Variants in MAN2A1 observed in about 807,000 individuals in gnomAD.
MAN2A1 encodes the protein alpha-mannosidase 2.
Under a neutral mutation model 142.6 loss-of-function variants are expected in MAN2A1, and 76 were observed. The observed-to-expected ratio is 0.53, with a 90% confidence interval of 0.44 to 0.65. The LOEUF is 0.65. Ranked by LOEUF, MAN2A1 falls within the 30% of genes least tolerant of loss-of-function variation. The pLI is 0.00. For missense variants in MAN2A1, 1,311 were observed against 1,365.1 expected, an observed-to-expected ratio of 0.96 and a Z score of 0.62; for synonymous variants, 559 against 473.2, an observed-to-expected ratio of 1.18 and a Z score of -2.35.
intron 3 of MAN2A1, among the ~76,000 whole-genome samples, chr5:109,723,217 A>T (rs184037071): frequency 2.4e-4 from 37 of 152,308 alleles, no homozygotes; most frequent in Non-Finnish European, 3.7e-4. Flanking sequence ...CTTCATATGG[A>T]TTCAAAAAAT....
At chr5:109,753,090 A>C (rs566020610) in intron 4 of MAN2A1, among the ~76,000 whole-genome samples, 1 of 152,118 alleles carries the variant, frequency 6.6e-6, no homozygotes, top group South Asian at 2.1e-4. Context: ...TTTATTTTTG[A>C]TTTATATCTG....
At chr5:109,841,558 C>G in intron 16 of MAN2A1, among the ~76,000 whole-genome samples, 1 of 152,194 alleles carries the variant, frequency 6.6e-6, no homozygotes, top group Admixed American at 6.5e-5. Context: ...TGACCCAAGG[C>G]CTCACTGAGG....
At chr5:109,741,335 C>A (rs1352386164) in intron 4 of MAN2A1, among the ~76,000 whole-genome samples, 1 of 152,130 alleles carries the variant, frequency 6.6e-6, no homozygotes, top group Non-Finnish European at 1.5e-5. Flanking sequence ...TAGCATTCCC[C>A]CCCACTTACT....
intron 12 of MAN2A1, among the ~76,000 whole-genome samples, chr5:109,806,110 G>C (rs1188434824): frequency 1.3e-5 from 2 of 152,152 alleles, no homozygotes; most frequent in Non-Finnish European, 2.9e-5. Flanking sequence ...TGAATATAGA[G>C]CAGTCTGATA....
chr5:109,812,459 A>G (rs1273560720), intron 12 of MAN2A1, among the ~76,000 whole-genome samples: 1 of 152,188 alleles, frequency 6.6e-6, no homozygotes, highest in East Asian at 1.9e-4. Context: ...CTTCAAATCT[A>G]GATATTGCAA....
chr5:109,773,912 G>A (rs930682123), intron 7 of MAN2A1, among the ~76,000 whole-genome samples: 3 of 152,062 alleles, frequency 2.0e-5, no homozygotes, highest in African/African-American at 7.2e-5. Flanking sequence ...CTTTGTCTTT[G>A]TAAATATTGT....
intron 8 of MAN2A1, among the ~76,000 whole-genome samples, chr5:109,778,022 A>G (rs570750279): frequency 6.6e-6 from 1 of 151,662 alleles, no homozygotes; most frequent in African/African-American, 2.4e-5. Flanking sequence ...CCAAAATTGC[A>G]TTGGTTACTG....
At chr5:109,810,309 A>G (rs1255359012) in intron 12 of MAN2A1, among the ~76,000 whole-genome samples, 3 of 152,172 alleles carry the variant, frequency 2.0e-5, no homozygotes, top group Admixed American at 6.5e-5. Flanking sequence ...GACTCTAGAA[A>G]ATATCTTCTT....
At chr5:109,730,007 T>C (rs17163950) in intron 4 of MAN2A1, among the ~76,000 whole-genome samples, 16,217 of 152,062 alleles carry the variant, frequency 0.11, 1,227 homozygotes, top group African/African-American at 0.23. Flanking sequence ...AAAAAAATCC[T>C]ATGTTACAAC....
chr5:109,820,156 C>A, intron 14 of MAN2A1, 64 bp from the exon 15 acceptor site: 5 of 1,375,144 alleles, frequency 3.6e-6, no homozygotes, highest in Non-Finnish European at 5.0e-6. Flanking sequence ...ATACATAGAA[C>A]CAGATGCAAC....
chr5:109,761,430 A>T (rs1752841072), intron 5 of MAN2A1, among the ~76,000 whole-genome samples: 1 of 151,970 alleles, frequency 6.6e-6, no homozygotes, highest in African/African-American at 2.4e-5. Context: ...AACAGTGAAT[A>T]CGTAATATTA....
intron 4 of MAN2A1, among the ~76,000 whole-genome samples, chr5:109,739,991 G>T (rs1264852813): frequency 6.6e-6 from 1 of 152,176 alleles, no homozygotes; most frequent in Non-Finnish European, 1.5e-5. Flanking sequence ...ACAGCACCTT[G>T]CATTTGCAAG....
At chr5:109,726,490 A>T (rs978386927) in intron 3 of MAN2A1, among the ~76,000 whole-genome samples, 2 of 152,148 alleles carry the variant, frequency 1.3e-5, no homozygotes, top group African/African-American at 2.4e-5. Flanking sequence ...AGTTTTATGG[A>T]ACGCTTTCAG....
chr5:109,749,636 A>G (rs887523291), intron 4 of MAN2A1, among the ~76,000 whole-genome samples: 1 of 152,072 alleles, frequency 6.6e-6, no homozygotes, highest in Admixed American at 6.6e-5. Flanking sequence ...TTATTAGGAA[A>G]TATCATGAAG....
chr5:109,692,792 G>GTGGGGA (rs1750708266), intron 1 of MAN2A1, among the ~76,000 whole-genome samples: 2 of 151,636 alleles, frequency 1.3e-5, no homozygotes, highest in Non-Finnish European at 2.9e-5. Flanking sequence ...ACAGACAGGG[G>GTGGGGA]TGGGGATGGG....
chr5:109,696,082 TGG>T (rs1167177320), intron 1 of MAN2A1, among the ~76,000 whole-genome samples: 1 of 151,960 alleles, frequency 6.6e-6, no homozygotes, highest in East Asian at 1.9e-4. Flanking sequence ...TGCAGACAGG[TGG>T]ATAGTAGGTA....
intron 3 of MAN2A1, among the ~76,000 whole-genome samples, chr5:109,726,057 G>T (rs1174555336): frequency 6.6e-6 from 1 of 152,096 alleles, no homozygotes; most frequent in Non-Finnish European, 1.5e-5. Context: ...GAATGGAAAA[G>T]AATAAATTGA....
At chr5:109,827,596 T>C (rs771908500) in intron 16 of MAN2A1, among the ~76,000 whole-genome samples, 4 of 152,240 alleles carry the variant, frequency 2.6e-5, no homozygotes, top group Non-Finnish European at 5.9e-5. Flanking sequence ...TTTGTTTCTC[T>C]ATCTGCATTC....
chr5:109,834,062 A>C lies in MAN2A1; in HGVS notation c.2567-8266A>C, dbSNP rs185845368. 6.6e-4 allele frequency among the ~76,000 whole-genome samples: 100 copies of C among 152,314 alleles called. 1 individual carries two copies. Among genetic ancestry groups the C allele is most frequent in the African/African-American group, 2.2e-3 (92 of 41,568 alleles). On this transcript the variant is annotated intron_variant, in intron 16 of 21. Transcript: ENST00000261483. ...AGAAGAAATAGAGTGGTGGAAAAGA[A>C]ACATCTGTCATGGAGGCAGGTCATT...
Sources: gnomAD v4.1 joint callset for allele counts (sites outside exome capture counted in the v4.1 genomes callset) on GRCh38, gnomAD v4.1.1 for gene constraint, MANE v1.5 for transcripts, NCBI Gene and HGNC (gene_info 2026-07-23, HGNC 2026-07-21) for gene names.